Variants in THSD7A observed in about 807,000 individuals in gnomAD.
THSD7A encodes thrombospondin type 1 domain containing 7A.
Under a neutral mutation model 231.3 loss-of-function variants are expected in THSD7A, and 96 were observed. The ratio of observed to expected loss-of-function variants is 0.41; its 90% CI spans 0.35 to 0.49. THSD7A has a LOEUF of 0.49. THSD7A is among the 20% of genes least tolerant of loss of function. The pLI is 0.05. For missense variants in THSD7A, 2,290 were observed against 2,070.2 expected, an observed-to-expected ratio of 1.11 and a Z score of -2.06; for synonymous variants, 940 against 743.3, an observed-to-expected ratio of 1.26 and a Z score of -4.30.
At chr7:11,520,096 G>T (rs1788200463) in intron 6 of THSD7A, 1 of 152,104 alleles carries the variant, frequency 6.6e-6, no homozygotes, top group Admixed American at 6.6e-5. Context: ...CACCCTCTCT[G>T]TCAAAGCTTC....
chr7:11,807,220 T>G (rs559788249), intron 1 of THSD7A, among the ~76,000 whole-genome samples: 1 of 152,258 alleles, frequency 6.6e-6, no homozygotes, highest in South Asian at 2.1e-4. Context: ...TATGGGTAGA[T>G]GCCATAGGGA....
At chr7:11,671,125 G>T (rs7341494) in intron 1 of THSD7A, among the ~76,000 whole-genome samples, 66,114 of 151,944 alleles carry the variant, frequency 0.44, 14,493 homozygotes, top group South Asian at 0.56. Context: ...AACATTAATA[G>T]ACCTTCAAGG....
At chr7:11,675,788 C>A (rs1562466231) in intron 1 of THSD7A, among the ~76,000 whole-genome samples, 2 of 152,194 alleles carry the variant, frequency 1.3e-5, no homozygotes, top group Non-Finnish European at 2.9e-5. Context: ...GATAAAACTC[C>A]CATCTCCCTG....
At position 11,370,633 on chromosome 7, in the gene THSD7A, TG is replaced by T. The variant is rs1294752811; in HGVS notation, c.*5160del. ...TGCGTTAAAAAGGAAATGTACATAA[TG>T]TAAAATAAATTACATTACGCAATTT... On this transcript the variant is annotated 3_prime_UTR_variant, in exon 28 of 28. Coordinates refer to ENST00000423059, the MANE Select transcript of THSD7A (RefSeq NM_015204.3). The T allele has an allele frequency of 1.3e-5, 2 of 152,196 alleles. No homozygotes were observed. The highest frequency in any genetic ancestry group is 6.5e-5 in the Admixed American group (1 of 15,276). 9.4% of individuals were successfully genotyped at this position (152,196 alleles called of 1,614,324 possible).
intron 4 of THSD7A, among the ~76,000 whole-genome samples, chr7:11,582,072 A>G (rs1791188525): frequency 6.6e-6 from 1 of 152,040 alleles, no homozygotes; most frequent in African/African-American, 2.4e-5. Context: ...CTGACATTTT[A>G]AAGCTCCAAT....
intron 4 of THSD7A, among the ~76,000 whole-genome samples, chr7:11,582,292 TA>T (rs1444574157): frequency 6.6e-6 from 1 of 151,760 alleles, no homozygotes; most frequent in African/African-American, 2.4e-5. Flanking sequence ...TATTAATAGT[TA>T]TTAAAACCAA....
intron 1 of THSD7A, among the ~76,000 whole-genome samples, chr7:11,766,968 G>T (rs1002107523): frequency 2.0e-4 from 31 of 152,184 alleles, no homozygotes; most frequent in African/African-American, 7.0e-4. Context: ...CAGAGTAAGA[G>T]AAGGTCTTTG....
At chr7:11,683,521 T>A (rs1244700860) in intron 1 of THSD7A, among the ~76,000 whole-genome samples, 1 of 151,530 alleles carries the variant, frequency 6.6e-6, no homozygotes, top group East Asian at 1.9e-4. Context: ...ATAAATACAA[T>A]CAGAAATGAC....
At chr7:11,793,084 T>C (rs1784009708) in intron 1 of THSD7A, among the ~76,000 whole-genome samples, 1 of 151,810 alleles carries the variant, frequency 6.6e-6, no homozygotes. Context: ...TTCAAATGAA[T>C]ATAGGAATTA....
chr7:11,796,900 A>G (rs1389322659), intron 1 of THSD7A, among the ~76,000 whole-genome samples: 1 of 152,124 alleles, frequency 6.6e-6, no homozygotes, highest in Non-Finnish European at 1.5e-5. Context: ...AGTGTATACT[A>G]AAATAGCACT....
intron 4 of THSD7A, among the ~76,000 whole-genome samples, chr7:11,552,932 C>G (rs1789692400): frequency 6.6e-6 from 1 of 151,996 alleles, no homozygotes; most frequent in Non-Finnish European, 1.5e-5. Context: ...TCCAGCACAT[C>G]CCCCTCCCTC....
Position 11,567,269 on chromosome 7 carries a change from CT to C in THSD7A, c.1453+23190del, listed in dbSNP as rs561815762. Among the ~76,000 whole-genome samples, 440 of 152,162 alleles carry C rather than the reference CT, an allele frequency of 2.9e-3. 5 individuals carry two copies. The highest frequency in any genetic ancestry group is 1.0e-2 in the African/African-American group (415 of 41,512). ...TGAAGAGGAAGCAAGACACTTCCCC[CT>C]CAAGGCAGCAGAAAAGACAAGTGCA... On this transcript the variant is annotated intron_variant, in intron 4 of 27. Transcript: ENST00000423059.
intron 1 of THSD7A, among the ~76,000 whole-genome samples, chr7:11,712,113 G>C (rs781116298): frequency 1.3e-5 from 2 of 150,974 alleles, no homozygotes; most frequent in African/African-American, 2.4e-5. Flanking sequence ...CTAGACTTCT[G>C]TCTATGGTAT....
At chr7:11,767,679 A>T (rs1783072050) in intron 1 of THSD7A, among the ~76,000 whole-genome samples, 2 of 152,326 alleles carry the variant, frequency 1.3e-5, no homozygotes, top group East Asian at 3.9e-4. Flanking sequence ...TTCTGTTCAC[A>T]GAAAAACCTA....
chr7:11,707,598 T>C (rs1780812005), intron 1 of THSD7A, among the ~76,000 whole-genome samples: 1 of 150,940 alleles, frequency 6.6e-6, no homozygotes, highest in Admixed American at 6.6e-5. Flanking sequence ...GGCAAAACCA[T>C]CAGAGAGTCT....
intron 4 of THSD7A, among the ~76,000 whole-genome samples, chr7:11,561,579 A>C (rs1790077285): frequency 6.6e-6 from 1 of 152,240 alleles, no homozygotes; most frequent in Non-Finnish European, 1.5e-5. Flanking sequence ...TTTAAGAATT[A>C]AGAAACTGAG....
intron 2 of THSD7A, among the ~76,000 whole-genome samples, chr7:11,621,796 T>C (rs1781318836): frequency 6.6e-6 from 1 of 152,176 alleles, no homozygotes; most frequent in Admixed American, 6.5e-5. Context: ...AGTGATGCAG[T>C]AATTTTTTCT....
Position 11,636,478 on chromosome 7 carries a change from G to T in THSD7A, c.674C>A (p.Pro225Gln), listed in dbSNP as rs754940123. The T allele has an allele frequency of 6.2e-7, 1 of 1,613,580 alleles. No individual in the cohort carries two copies. The highest frequency in any genetic ancestry group is 2.2e-5 in the East Asian group (1 of 44,852). Residue 225 changes from proline to glutamine, a missense_variant, in exon 2 of 28, where the codon CCG becomes CAG. Physicochemically the swap from Pro to Gln is moderately conservative, Grantham distance 76. Transcript: ENST00000423059. This position sits in a 1 kb window ranked among gnomAD's most constrained non-coding sequence, Gnocchi z 10.0. ...TGGACAGCCAGAGCCTCCGAACTGC[G>T]GGGGCGCCACCACATGACGCGTCCG... ...QHRTRHVVAP[P>Q]QFGGSGCPNL...
At chr7:11,627,131 G>T (rs1248305923) in intron 2 of THSD7A, among the ~76,000 whole-genome samples, 3 of 152,014 alleles carry the variant, frequency 2.0e-5, no homozygotes, top group African/African-American at 2.4e-5. Flanking sequence ...AGCGATTAAG[G>T]TTAACGTTGC....
Sources: gnomAD v4.1 joint callset for allele counts (sites outside exome capture counted in the v4.1 genomes callset) on GRCh38, gnomAD v4.1.1 for gene constraint, Gnocchi (gnomAD v3.1) non-coding constraint, MANE v1.5 for transcripts, NCBI Gene and HGNC (gene_info 2026-07-23, HGNC 2026-07-21) for gene names.